The following FLYWCH1 variants were observed in gnomAD, a reference collection of about 807,000 sequenced individuals.
FLYWCH1 encodes FLYWCH-type zinc finger 1.
A neutral mutation model predicts 66.4 loss-of-function variants in FLYWCH1; 75 were observed. The observed-to-expected ratio is 1.13, with a 90% CI of 0.94 to 1.37. The LOEUF is 1.37. Among genes scored for constraint, FLYWCH1 ranks in the 40% most tolerant of loss-of-function variants. The probability of loss-of-function intolerance (pLI) is 0.00; values close to 1 mark genes in which losing one functional copy is unlikely to be tolerated. For synonymous variants in FLYWCH1, 595 were observed against 429.9 expected (o/e 1.38, Z -4.75); for missense variants, 1,334 against 1,001.8 (o/e 1.33, Z -4.48).
intron 2 of FLYWCH1, among the ~76,000 whole-genome samples, chr16:2,924,797 G>C (rs898671088): frequency 6.6e-6 from 1 of 152,228 alleles, no homozygotes; most frequent in Non-Finnish European, 1.5e-5. Flanking sequence ...GAGTGGGAAC[G>C]GGTCCTCAGC....
In FLYWCH1 at chr16:2,938,319, G is replaced by C; in HGVS notation, c.1913G>C (p.Gly638Ala). 1 of 1,608,292 alleles carries C rather than the reference G, an allele frequency of 6.2e-7. No homozygotes were observed. Among genetic ancestry groups the C allele is most frequent in the Non-Finnish European group, 8.5e-7 (1 of 1,177,576 alleles). Reference sequence around the variant, plus strand: ...ATGTGCCGGGACCAGGCTCGGCTGGGCTGCCGCAGCCGCGCCATAACCCAG... The same window carrying C: ...ATGTGCCGGGACCAGGCTCGGCTGGCCTGCCGCAGCCGCGCCATAACCCAG... ...YWMCRDQARLGCRSRAITQGH... is the reference protein window; with the variant it reads ...YWMCRDQARLACRSRAITQGH... Residue 638 changes from glycine (G) to alanine (A), a missense_variant, in exon 8 of 10, where the codon GGC (glycine) becomes GCC (alanine). Coordinates refer to ENST00000253928, the MANE Select transcript of FLYWCH1 (RefSeq NM_001308068.2).
intron 2 of FLYWCH1, among the ~76,000 whole-genome samples, chr16:2,927,348 C>G (rs1018080282): frequency 6.6e-6 from 1 of 152,154 alleles, no homozygotes; most frequent in African/African-American, 2.4e-5. Flanking sequence ...GGAAGGGGCT[C>G]CAGCAGGAGC....
intron 2 of FLYWCH1, among the ~76,000 whole-genome samples, chr16:2,925,581 A>AT (rs529546264): frequency 3.6e-5 from 3 of 83,568 alleles, no homozygotes; most frequent in African/African-American, 1.1e-4. Flanking sequence ...TTGCGGGGGG[A>AT]GGGGGGTACG....
chr16:2,945,129 C>T (rs1419596437), intron 9 of FLYWCH1, among the ~76,000 whole-genome samples: 1 of 150,514 alleles, frequency 6.6e-6, no homozygotes, highest in Admixed American at 6.6e-5. Context: ...GTGGGTGGAT[C>T]ACTTGAGGTC....
chr16:2,931,304 G>GAAAAAAAAAAAAAAAA (rs2070753762), intron 4 of FLYWCH1, among the ~76,000 whole-genome samples: 1 of 54,270 alleles, frequency 1.8e-5, no homozygotes. Context: ...CTCCATCTCA[G>GAAAAAAAAAAAAAAAA]TAAAAAAAAA....
intron 2 of FLYWCH1, chr16:2,928,931 T>G (rs1379471783): frequency 6.6e-6 from 1 of 152,302 alleles, no homozygotes; most frequent in Non-Finnish European, 1.5e-5. Context: ...GCTGCCACTG[T>G]GGGGCCCTGG....
intron 2 of FLYWCH1, among the ~76,000 whole-genome samples, chr16:2,919,414 C>G (rs971737302): frequency 6.6e-6 from 1 of 151,488 alleles, no homozygotes; most frequent in South Asian, 2.1e-4. Flanking sequence ...TACAGGCATG[C>G]GCCACCACAC....
chr16:2,945,679 A>G (rs1029221078), intron 9 of FLYWCH1, among the ~76,000 whole-genome samples: 1 of 151,624 alleles, frequency 6.6e-6, no homozygotes, highest in Non-Finnish European at 1.5e-5. Flanking sequence ...AGTCCAACTT[A>G]AAAATTTTAA....
intron 9 of FLYWCH1, among the ~76,000 whole-genome samples, chr16:2,942,173 A>G (rs1472542008): frequency 6.6e-6 from 1 of 152,068 alleles, no homozygotes; most frequent in Non-Finnish European, 1.5e-5. Context: ...AGGAATAAAG[A>G]TGAGACCTTA....
At chr16:2,919,735 T>C (rs946127573) in intron 2 of FLYWCH1, among the ~76,000 whole-genome samples, 2 of 152,214 alleles carry the variant, frequency 1.3e-5, no homozygotes, top group African/African-American at 4.8e-5. Flanking sequence ...TTGGAAATCC[T>C]CTTGAATTTT....
intron 2 of FLYWCH1, among the ~76,000 whole-genome samples, chr16:2,919,639 C>A (rs2070299087): frequency 6.6e-6 from 1 of 152,126 alleles, no homozygotes; most frequent in African/African-American, 2.4e-5. Context: ...AAGCCATTTT[C>A]CTGCCACAAC....
chr16:2,944,617 G>T, intron 9 of FLYWCH1, among the ~76,000 whole-genome samples: 1 of 152,046 alleles, frequency 6.6e-6, no homozygotes, highest in East Asian at 1.9e-4. Context: ...GAGGTCAGGA[G>T]TTCCAGACCA....
chr16:2,930,293 G>A, intron 3 of FLYWCH1, 117 bp from the exon 4 acceptor site: 1 of 675,390 alleles, frequency 1.5e-6, no homozygotes, highest in Non-Finnish European at 2.5e-6. Context: ...TCTTGCTTGG[G>A]AGCAGGAGGA....
chr16:2,925,470 C>T (rs1027236922), intron 2 of FLYWCH1, among the ~76,000 whole-genome samples: 1 of 147,186 alleles, frequency 6.8e-6, no homozygotes, highest in African/African-American at 2.5e-5. Flanking sequence ...TCCCACTCAT[C>T]CCCATTCATC....
chr16:2,917,095 G>T (rs924543069), intron 2 of FLYWCH1, among the ~76,000 whole-genome samples: 4 of 151,432 alleles, frequency 2.6e-5, no homozygotes, highest in Admixed American at 6.6e-5. Context: ...GGCAGAAGTT[G>T]CAGTGAGCCG....
At chr16:2,936,970 G>C (rs1038553882) in intron 6 of FLYWCH1, 151 bp from the exon 7 acceptor site, 1 of 799,486 alleles carries the variant, frequency 1.3e-6, no homozygotes, top group Non-Finnish European at 1.8e-6. Context: ...CAGCAGAGTT[G>C]GGGGGATGGT....
chr16:2,944,839 T>A (rs376391069), intron 9 of FLYWCH1, among the ~76,000 whole-genome samples: 7,341 of 149,758 alleles, frequency 0.049, 599 homozygotes, highest in African/African-American at 0.17. Context: ...AAAAAAAATT[T>A]TTTTTAACTG....
At chr16:2,936,839 G>A (rs2074358) in intron 6 of FLYWCH1, 1 of 618,644 alleles carries the variant, frequency 1.6e-6, no homozygotes, top group Non-Finnish European at 3.0e-6. Context: ...GGACGGACGA[G>A]TGACGCAGCA....
intron 2 of FLYWCH1, among the ~76,000 whole-genome samples, chr16:2,919,278 T>TC (rs1266330423): frequency 2.6e-5 from 4 of 151,338 alleles, no homozygotes; most frequent in Non-Finnish European, 5.9e-5. Context: ...TTCTTTTTTT[T>TC]TTTTTGAGAC....
Sources: gnomAD v4.1 joint callset for allele counts (sites outside exome capture counted in the v4.1 genomes callset) on GRCh38, gnomAD v4.1.1 for gene constraint, MANE v1.5 for transcripts, NCBI Gene and HGNC (gene_info 2026-07-23, HGNC 2026-07-21) for gene names.